The following RSPH14 variants were observed in gnomAD, a reference collection of about 807,000 sequenced individuals.
RSPH14 encodes the protein rhabdoid tumor deletion region gene 1.
In RSPH14, 20 loss-of-function variants were observed where a neutral mutation model predicts 26.7. The ratio of observed to expected loss-of-function variants is 0.75; its 90% CI spans 0.53 to 1.09. RSPH14 has a LOEUF of 1.09. RSPH14 is among the 50% of genes least tolerant of loss of function. The pLI, the probability that RSPH14 is intolerant of heterozygous loss-of-function variation, is 0.00. For missense variants in RSPH14, 449 were observed against 457.2 expected, an observed-to-expected ratio of 0.98 and a Z score of 0.16; for synonymous variants, 177 against 189.3, an observed-to-expected ratio of 0.93 and a Z score of 0.53.
the RSPH14 span, among the ~76,000 whole-genome samples, chr22:23,175,371 T>C: frequency 4.6e-5 from 7 of 151,420 alleles, no homozygotes; most frequent in African/African-American, 1.7e-4. Context: ...TGAGACAGAG[T>C]CTCACTCCAT....
intron 4 of RSPH14, chr22:23,123,714 G>C (rs549229975): frequency 2.4e-4 from 107 of 452,236 alleles, no homozygotes; most frequent in African/African-American, 2.0e-3. Flanking sequence ...CTGTCACAAG[G>C]TCACTACAAG....
intron 4 of RSPH14, among the ~76,000 whole-genome samples, chr22:23,077,374 G>A (rs1324057752): frequency 5.3e-5 from 8 of 152,110 alleles, no homozygotes; most frequent in Admixed American, 1.3e-4. Context: ...CCCATGCTTC[G>A]TTCATGGCAG....
chr22:23,163,611 C>CCCCA, the RSPH14 span: 2 of 146,832 alleles, frequency 1.4e-5, no homozygotes, highest in Non-Finnish European at 3.1e-5. Context: ...TGAAAGCCCC[C>CCCCA]CCCCCGCCAC....
At chr22:23,152,422 A>G in the RSPH14 span, 4 of 1,609,920 alleles carry the variant, frequency 2.5e-6, no homozygotes, top group Non-Finnish European at 3.4e-6. Flanking sequence ...GACACCCTGG[A>G]AGGCATGCCC....
At chr22:23,164,505 C>T in the RSPH14 span, among the ~76,000 whole-genome samples, 2 of 152,158 alleles carry the variant, frequency 1.3e-5, no homozygotes, top group East Asian at 1.9e-4. Flanking sequence ...AGCATCTTCT[C>T]GGTCAGAATT....
At chr22:23,173,542 G>A in the RSPH14 span, among the ~76,000 whole-genome samples, 3 of 151,490 alleles carry the variant, frequency 2.0e-5, no homozygotes, top group Non-Finnish European at 2.9e-5. Flanking sequence ...CCTGGCTCAA[G>A]CAATCCTTCC....
chr22:23,121,023 A>G (rs955208507), intron 4 of RSPH14, among the ~76,000 whole-genome samples: 7 of 152,100 alleles, frequency 4.6e-5, no homozygotes, highest in African/African-American at 1.7e-4. Context: ...AATCCATTAG[A>G]GCTAATTACT....
At chr22:23,157,956 G>GCA in the RSPH14 span, 1 of 1,613,866 alleles carries the variant, frequency 6.2e-7, no homozygotes, top group Non-Finnish European at 8.5e-7. Context: ...GCCTCGCCTG[G>GCA]CACTGATTGG....
Position 23,140,164 on chromosome 22 carries a change from A to C in RSPH14, c.199+58T>G, listed in dbSNP as rs191678545. The stretch of plus-strand genomic sequence containing the variant: ...AACCCTTATTACTGAAGTTCTACCC[A>C]GTGCCTGAAGCCATGCTAGGACCCC... On this transcript the variant is annotated intron_variant, in intron 2 of 6. Transcript: ENST00000216036. The C allele has an allele frequency of 2.2e-5, 36 of 1,600,418 alleles. 2 individuals carry two copies. The African/African-American group carries it at 4.7e-4, about 21-fold the overall frequency.
intron 4 of RSPH14, among the ~76,000 whole-genome samples, chr22:23,103,835 C>T (rs1268424514): frequency 6.6e-6 from 1 of 152,134 alleles, no homozygotes; most frequent in Admixed American, 6.5e-5. Context: ...TCAAGCAGGC[C>T]CTGGAGGACC....
chr22:23,168,543 C>T, the RSPH14 span, among the ~76,000 whole-genome samples: 2 of 152,200 alleles, frequency 1.3e-5, no homozygotes, highest in East Asian at 1.9e-4. Flanking sequence ...GTGTGAGATG[C>T]GATGCCCTCC....
chr22:23,156,538 C>T, the RSPH14 span, among the ~76,000 whole-genome samples: 7 of 152,106 alleles, frequency 4.6e-5, no homozygotes, highest in African/African-American at 1.7e-4. Flanking sequence ...CAGCAGGGGG[C>T]GGCAGCATAA....
the RSPH14 span, chr22:23,153,449 T>C: frequency 2.1e-6 from 1 of 478,484 alleles, no homozygotes; most frequent in Non-Finnish European, 2.7e-6. Context: ...GACCTAGGCC[T>C]CCTGTGATCC....
the RSPH14 span, among the ~76,000 whole-genome samples, chr22:23,177,505 C>G: frequency 2.0e-5 from 3 of 151,692 alleles, no homozygotes; most frequent in Non-Finnish European, 4.4e-5. Flanking sequence ...CTAGTTGGAA[C>G]AGACACTGAG....
intron 4 of RSPH14, among the ~76,000 whole-genome samples, chr22:23,096,605 G>T (rs1486473892): frequency 6.6e-6 from 1 of 152,186 alleles, no homozygotes; most frequent in Non-Finnish European, 1.5e-5. Context: ...GTGGAGTGCA[G>T]GTGTCATGTC....
the RSPH14 span, among the ~76,000 whole-genome samples, chr22:23,171,526 T>C: frequency 6.6e-6 from 1 of 152,148 alleles, no homozygotes; most frequent in African/African-American, 2.4e-5. Context: ...CAGTCCATTG[T>C]ATACATGTAC....
At chr22:23,156,085 C>G in the RSPH14 span, 1 of 1,507,710 alleles carries the variant, frequency 6.6e-7, no homozygotes, top group Non-Finnish European at 9.0e-7. Flanking sequence ...GGGGTCCCTG[C>G]CGGGCTCCAC....
chr22:23,101,578 T>G (rs1193501241), intron 4 of RSPH14, among the ~76,000 whole-genome samples: 2 of 152,216 alleles, frequency 1.3e-5, no homozygotes, highest in African/African-American at 4.8e-5. Flanking sequence ...GTTCCTGACC[T>G]GGTCAAGGGC....
intron 1 of RSPH14, 75 bp downstream of exon 1, chr22:23,141,874 C>T: frequency 1.4e-5 from 8 of 568,120 alleles, no homozygotes; most frequent in Non-Finnish European, 1.8e-5. Context: ...GGGGACACGG[C>T]CCCGTGTGAA....
Sources: gnomAD v4.1 joint callset for allele counts (sites outside exome capture counted in the v4.1 genomes callset) on GRCh38, gnomAD v4.1.1 for gene constraint, MANE v1.5 for transcripts, NCBI Gene and HGNC (gene_info 2026-07-23, HGNC 2026-07-21) for gene names.